The following SEMA5A variants were observed in gnomAD, a reference collection of about 807,000 sequenced individuals.
SEMA5A encodes semaphorin 5A, also known as semaphorin-5A.
Under a neutral mutation model 135.5 loss-of-function variants are expected in SEMA5A, and 55 were observed. The ratio of observed to expected loss-of-function variants is 0.41; its 90% CI spans 0.33 to 0.51. The LOEUF is 0.51. Among genes scored for constraint, SEMA5A ranks in the 20% least tolerant of loss-of-function variants. The probability of loss-of-function intolerance (pLI) is 0.37; values close to 1 mark genes in which losing one functional copy is unlikely to be tolerated. For missense variants in SEMA5A, 1,290 were observed against 1,419.9 expected, an observed-to-expected ratio of 0.91 and a Z score of 1.47; for synonymous variants, 580 against 546.5, an observed-to-expected ratio of 1.06 and a Z score of -0.85.
intron 5 of SEMA5A, among the ~76,000 whole-genome samples, chr5:9,290,650 G>T (rs544133172): frequency 6.6e-6 from 1 of 152,036 alleles, no homozygotes; most frequent in Non-Finnish European, 1.5e-5. Context: ...AGGAGAAATA[G>T]GTACATAGAG....
At chr5:9,395,634 T>C (rs1756358818) in intron 2 of SEMA5A, among the ~76,000 whole-genome samples, 1 of 152,234 alleles carries the variant, frequency 6.6e-6, no homozygotes, top group Non-Finnish European at 1.5e-5. Flanking sequence ...CCACTGTGAC[T>C]TGGCCATACT....
chr5:9,424,220 T>C (rs1208106569), intron 2 of SEMA5A, among the ~76,000 whole-genome samples: 3 of 152,166 alleles, frequency 2.0e-5, no homozygotes, highest in African/African-American at 7.2e-5. Flanking sequence ...ACATCAAATA[T>C]TTCATTGTAA....
intron 2 of SEMA5A, among the ~76,000 whole-genome samples, chr5:9,422,829 C>T (rs2126635345): frequency 6.6e-6 from 1 of 152,186 alleles, no homozygotes; most frequent in East Asian, 1.9e-4. Flanking sequence ...GTTTCTCATT[C>T]CAAAAATAGT....
chr5:9,502,554 G>A (rs2126823829), intron 1 of SEMA5A, among the ~76,000 whole-genome samples: 1 of 152,268 alleles, frequency 6.6e-6, no homozygotes, highest in South Asian at 2.1e-4. Context: ...TAAACATCCT[G>A]TGTCTTGAGC....
chr5:9,431,162 T>C (rs921656514), intron 2 of SEMA5A, among the ~76,000 whole-genome samples: 4 of 152,090 alleles, frequency 2.6e-5, no homozygotes, highest in Non-Finnish European at 5.9e-5. Context: ...AAAACATCAC[T>C]GTAGTAAGGA....
chr5:9,240,798 T>A (rs1016797875), intron 5 of SEMA5A, among the ~76,000 whole-genome samples: 2 of 152,052 alleles, frequency 1.3e-5, no homozygotes, highest in South Asian at 2.1e-4. Context: ...ATAGAACAAG[T>A]CTCACTACTG....
At chr5:9,244,395 GAC>G (rs2150471519) in intron 5 of SEMA5A, among the ~76,000 whole-genome samples, 2 of 152,264 alleles carry the variant, frequency 1.3e-5, no homozygotes, top group South Asian at 4.1e-4. Context: ...GAACAAAGCA[GAC>G]ACATTCCCTA....
At chr5:9,314,313 T>C (rs1302591237) in intron 5 of SEMA5A, among the ~76,000 whole-genome samples, 1 of 150,126 alleles carries the variant, frequency 6.7e-6, no homozygotes, top group Non-Finnish European at 1.5e-5. Context: ...CTCTAGCTGG[T>C]CCAAATCCAA....
chr5:9,236,883 G>C (rs1237897705), intron 6 of SEMA5A, among the ~76,000 whole-genome samples: 1 of 152,062 alleles, frequency 6.6e-6, no homozygotes, highest in Non-Finnish European at 1.5e-5. Flanking sequence ...CAGCGATTCA[G>C]TTAAAGGGCA....
At chr5:9,119,515 T>A (rs951892649) in intron 14 of SEMA5A, among the ~76,000 whole-genome samples, 2 of 152,194 alleles carry the variant, frequency 1.3e-5, no homozygotes, top group Non-Finnish European at 2.9e-5. Flanking sequence ...AGTTTAGGAT[T>A]TTTTGGACTT....
chr5:9,349,021 A>G (rs766578733), intron 3 of SEMA5A, among the ~76,000 whole-genome samples: 1 of 152,214 alleles, frequency 6.6e-6, no homozygotes, highest in African/African-American at 2.4e-5. Flanking sequence ...CCTCCTCACT[A>G]TAGGAAAATC....
intron 8 of SEMA5A, among the ~76,000 whole-genome samples, chr5:9,221,282 A>T (rs1175976493): frequency 6.6e-6 from 1 of 150,898 alleles, no homozygotes; most frequent in East Asian, 1.9e-4. Flanking sequence ...TTAAGAGAAA[A>T]GGCATCCGAA....
At position 9,245,386 on chromosome 5, in the gene SEMA5A, C is replaced by A. The variant is rs1748431308; in HGVS notation, c.271-7496G>T. Among the ~76,000 whole-genome samples the A allele has an allele frequency of 1.3e-5, 2 of 152,064 alleles. 1 individual carries two copies. The highest frequency in any genetic ancestry group is 2.9e-5 in the Non-Finnish European group (2 of 68,008). Reference sequence around the variant, plus strand: ...TCCCCCGTAGATAAGAGAGGGACTACCATATTATGTCAAAGTCATGCTTTA... The same window carrying A: ...TCCCCCGTAGATAAGAGAGGGACTAACATATTATGTCAAAGTCATGCTTTA... On this transcript the variant is annotated intron_variant, in intron 5 of 22. Coordinates refer to ENST00000382496, the MANE Select transcript of SEMA5A (RefSeq NM_003966.3).
At chr5:9,358,663 G>A (rs144225446) in intron 3 of SEMA5A, among the ~76,000 whole-genome samples, 46 of 152,326 alleles carry the variant, frequency 3.0e-4, no homozygotes, top group African/African-American at 1.1e-3. Flanking sequence ...AATGGATGTG[G>A]GTTCAAAGAG....
At chr5:9,376,412 A>T (rs1350841235) in intron 3 of SEMA5A, among the ~76,000 whole-genome samples, 1 of 152,106 alleles carries the variant, frequency 6.6e-6, no homozygotes, top group African/African-American at 2.4e-5. Flanking sequence ...ACACCTTCTA[A>T]CAATCACTTG....
chr5:9,509,148 G>GC, intron 1 of SEMA5A, among the ~76,000 whole-genome samples: 1 of 7,930 alleles, frequency 1.3e-4, no homozygotes, highest in African/African-American at 4.0e-4. Flanking sequence ...GTGTCCACAG[G>GC]GGTGAAGAAA....
intron 11 of SEMA5A, among the ~76,000 whole-genome samples, chr5:9,167,660 C>A (rs568043188): frequency 6.6e-6 from 1 of 152,316 alleles, no homozygotes; most frequent in Non-Finnish European, 1.5e-5. Context: ...GGAGTGGGAA[C>A]CTTTTCTCAC....
chr5:9,043,472 G>T (rs1736072505), intron 22 of SEMA5A, among the ~76,000 whole-genome samples: 1 of 152,176 alleles, frequency 6.6e-6, no homozygotes, highest in South Asian at 2.1e-4. Flanking sequence ...TTAAGTAAGG[G>T]CCTCAGGTTT....
rs1406427836 is a variant in SEMA5A at position 9,070,326 on chromosome 5, G to A, written c.2074-3680C>T. Among the ~76,000 whole-genome samples, 4 of 152,088 alleles carry A rather than the reference G, an allele frequency of 2.6e-5. No individual in the cohort carries two copies. In the East Asian group the frequency reaches 7.7e-4, roughly 29 times the overall value. On this transcript the variant is annotated intron_variant, in intron 16 of 22. Transcript: ENST00000382496. ...GCGGAGGTTGCAGTGAGCCGACATTGTGCCACTGCACTCCAGCCTGGGCAG... is the reference window on the plus strand; with the variant it reads ...GCGGAGGTTGCAGTGAGCCGACATTATGCCACTGCACTCCAGCCTGGGCAG...
Sources: gnomAD v4.1 joint callset for allele counts (sites outside exome capture counted in the v4.1 genomes callset) on GRCh38, gnomAD v4.1.1 for gene constraint, MANE v1.5 for transcripts, NCBI Gene and HGNC (gene_info 2026-07-23, HGNC 2026-07-21) for gene names.